GPR137C: variants seen among roughly 807,000 people sequenced by gnomAD.
The protein encoded by GPR137C is G protein-coupled receptor 137C.
In GPR137C, 27 loss-of-function variants were observed where a neutral mutation model predicts 43.4. The observed-to-expected ratio is 0.62, with a 90% CI of 0.46 to 0.86. GPR137C has a LOEUF of 0.86. Ranked by LOEUF, GPR137C falls within the 40% of genes least tolerant of loss-of-function variation. The pLI is 0.00. For missense variants in GPR137C, 522 were observed against 534.6 expected, an observed-to-expected ratio of 0.98 and a Z score of 0.23; for synonymous variants, 285 against 226.9, an observed-to-expected ratio of 1.26 and a Z score of -2.30.
chr14:52,614,616 T>A (rs933651695), intron 3 of GPR137C, among the ~76,000 whole-genome samples: 2 of 152,112 alleles, frequency 1.3e-5, no homozygotes, highest in African/African-American at 4.8e-5. Flanking sequence ...GCTTCCTGAG[T>A]GGCTGGGACT....
intron 1 of GPR137C, among the ~76,000 whole-genome samples, chr14:52,558,957 G>C (rs1009296631): frequency 7.2e-5 from 11 of 152,158 alleles, no homozygotes; most frequent in East Asian, 3.8e-4. Flanking sequence ...TGTGTAATTG[G>C]AATTATAGAG....
intron 1 of GPR137C, among the ~76,000 whole-genome samples, chr14:52,590,750 A>G (rs62005394): frequency 3.7e-4 from 57 of 152,174 alleles, no homozygotes; most frequent in Non-Finnish European, 5.3e-4. Context: ...TGGCCTAGGT[A>G]TGTAGTAGGC....
intron 1 of GPR137C, among the ~76,000 whole-genome samples, chr14:52,588,605 C>G (rs944920603): frequency 3.3e-5 from 5 of 152,096 alleles, no homozygotes; most frequent in Non-Finnish European, 7.4e-5. Flanking sequence ...GATCACTGGT[C>G]TCTATATTCT....
At chr14:52,605,197 G>T (rs1461634042) in intron 3 of GPR137C, among the ~76,000 whole-genome samples, 1 of 152,126 alleles carries the variant, frequency 6.6e-6, no homozygotes, top group African/African-American at 2.4e-5. Context: ...AGCATGGGAT[G>T]TCTTTCCATT....
chr14:52,586,747 C>T (rs947139997), intron 1 of GPR137C, among the ~76,000 whole-genome samples: 3 of 152,148 alleles, frequency 2.0e-5, no homozygotes, highest in African/African-American at 7.2e-5. Context: ...CCAAAACTCA[C>T]CTATTATCTT....
Position 52,553,424 on chromosome 14 carries a change from G to T in GPR137C, c.277G>T (p.Ala93Ser). Residue 93 changes from alanine to serine, a missense_variant, in exon 1 of 7, where the codon GCA becomes TCA. Coordinates refer to ENST00000321662, the MANE Select transcript of GPR137C (RefSeq NM_001099652.2). ...SLCLFLCLLWAALRTTLFSAA... is the reference protein window; with the variant it reads ...SLCLFLCLLWSALRTTLFSAA... ...CTGCCTCTTCCTCTGTCTCCTGTGG[G>T]CAGCGCTCAGGACCACCCTCTTCTC... The T allele has an allele frequency of 6.2e-7, 1 of 1,608,874 alleles. No homozygotes were observed.
chr14:52,611,957 T>C, intron 3 of GPR137C: 1 of 985,270 alleles, frequency 1.0e-6, no homozygotes, highest in South Asian at 4.7e-5. Context: ...AATAGGCTTG[T>C]TCTTACAAAA....
chr14:52,563,434 A>C (rs958025445), intron 1 of GPR137C, among the ~76,000 whole-genome samples: 1 of 152,138 alleles, frequency 6.6e-6, no homozygotes, highest in African/African-American at 2.4e-5. Context: ...TGATGCACTC[A>C]GATTCAACAT....
chr14:52,575,798 A>G (rs185978983), intron 1 of GPR137C, among the ~76,000 whole-genome samples: 68 of 152,274 alleles, frequency 4.5e-4, no homozygotes, highest in African/African-American at 1.3e-3. Flanking sequence ...AGGACAGTCT[A>G]CTTTAATCTC....
chr14:52,577,064 C>G (rs1048345492), intron 1 of GPR137C, among the ~76,000 whole-genome samples: 4 of 125,276 alleles, frequency 3.2e-5, no homozygotes, highest in African/African-American at 1.3e-4. Flanking sequence ...GTGCTGTAGT[C>G]CCAGCTACTC....
At chr14:52,587,262 T>C (rs74050912) in intron 1 of GPR137C, among the ~76,000 whole-genome samples, 7,145 of 152,262 alleles carry the variant, frequency 0.047, 409 homozygotes, top group East Asian at 0.16. Flanking sequence ...AAATAAATGA[T>C]ATAGATTATG....
intron 3 of GPR137C, among the ~76,000 whole-genome samples, chr14:52,605,737 C>T (rs12019002): frequency 0.14 from 21,480 of 152,002 alleles, 1,746 homozygotes; most frequent in Non-Finnish European, 0.2. Context: ...TATTTTTTTA[C>T]GGCTTTTATC....
intron 3 of GPR137C, among the ~76,000 whole-genome samples, chr14:52,621,090 A>G (rs565962468): frequency 2.6e-5 from 4 of 152,028 alleles, no homozygotes; most frequent in African/African-American, 7.2e-5. Context: ...GATAAATATG[A>G]AGAAAATTTT....
Position 52,635,222 on chromosome 14 carries a change from C to G in GPR137C, c.*107C>G, listed in dbSNP as rs759681645. The G allele has an allele frequency of 8.5e-5, 76 of 895,834 alleles. 1 individual carries two copies. The highest frequency in any genetic ancestry group is 3.3e-5 in the Admixed American group (1 of 30,026). The allele number at this position is 895,834 out of a possible 1,614,324, so 55.5% of individuals were successfully genotyped here. A position where few individuals can be genotyped will look rare whatever the true frequency, so the allele number is the denominator to read the frequency against. ...TTCCATTATCTGTTGCAACTGAAAA[C>G]AAAATCTGGAAGTGTGGCTGTGTTT... On this transcript the variant is annotated 3_prime_UTR_variant, in exon 7 of 7. Transcript: ENST00000321662.
At chr14:52,567,773 C>T (rs2038395569) in intron 1 of GPR137C, among the ~76,000 whole-genome samples, 2 of 151,544 alleles carry the variant, frequency 1.3e-5, no homozygotes, top group South Asian at 4.2e-4. Context: ...GATTTATCTG[C>T]CCCAGCCTCC....
At chr14:52,584,026 T>C (rs2038682015) in intron 1 of GPR137C, among the ~76,000 whole-genome samples, 1 of 152,156 alleles carries the variant, frequency 6.6e-6, no homozygotes, top group South Asian at 2.1e-4. Flanking sequence ...TTTTAGTCAC[T>C]TTATCTCTTC....
chr14:52,579,205 G>A (rs934826269), intron 1 of GPR137C, among the ~76,000 whole-genome samples: 1 of 152,160 alleles, frequency 6.6e-6, no homozygotes, highest in Non-Finnish European at 1.5e-5. Flanking sequence ...TATGCTTGGT[G>A]TATACCAGTC....
At chr14:52,633,356 C>G (rs1594811911) in intron 4 of GPR137C, among the ~76,000 whole-genome samples, 174 bp from the exon 5 acceptor site, 1 of 151,998 alleles carries the variant, frequency 6.6e-6, no homozygotes, top group East Asian at 1.9e-4. Flanking sequence ...CATTTTATGT[C>G]CTTTAAAGGA....
chr14:52,620,084 C>G (rs2039143035), intron 3 of GPR137C, among the ~76,000 whole-genome samples: 2 of 152,058 alleles, frequency 1.3e-5, no homozygotes, highest in African/African-American at 4.8e-5. Context: ...AAGAAAATGA[C>G]ACTGAGTGAG....
Sources: gnomAD v4.1 joint callset for allele counts (sites outside exome capture counted in the v4.1 genomes callset) on GRCh38, gnomAD v4.1.1 for gene constraint, MANE v1.5 for transcripts, NCBI Gene and HGNC (gene_info 2026-07-23, HGNC 2026-07-21) for gene names.